The following TEF variants were observed in gnomAD, a reference collection of about 807,000 sequenced individuals.
The protein encoded by TEF is TEF transcription factor, PAR bZIP family member.
A neutral mutation model predicts 20.8 loss-of-function variants in TEF; 3 were observed. The ratio of observed to expected loss-of-function variants is 0.14; its 90% confidence interval spans 0.07 to 0.37. The LOEUF is 0.37. Ranked by LOEUF, TEF falls within the 10% of genes least tolerant of loss-of-function variation. The probability of loss-of-function intolerance (pLI) is 1.00; values close to 1 mark genes in which losing one functional copy is unlikely to be tolerated. For missense variants in TEF, 296 were observed against 397.9 expected (o/e 0.74, Z 2.18); for synonymous variants, 180 against 171.1 (o/e 1.05, Z -0.41).
At chr22:41,378,536 C>T (rs994292566), upstream of TEF, among the ~76,000 whole-genome samples, 2 of 152,056 alleles carry the variant, frequency 1.3e-5, no homozygotes, top group African/African-American at 4.8e-5. Flanking sequence ...TTAGTAGAGA[C>T]AGGGTTTCAC....
chr22:41,375,541 G>C (rs996313047), intron 1 of TEF, among the ~76,000 whole-genome samples: 1 of 152,122 alleles, frequency 6.6e-6, no homozygotes, highest in Non-Finnish European at 1.5e-5. Context: ...GCGAGGTCAG[G>C]AGATCGAGGC....
At chr22:41,381,864 A>T (rs890698058), upstream of TEF, 6 of 1,221,256 alleles carry the variant, frequency 4.9e-6, no homozygotes, top group Non-Finnish European at 6.1e-6. Flanking sequence ...GCCTGGCCTC[A>T]TGAATAATTA....
At chr22:41,377,318 G>A (rs996211978), upstream of TEF, 6 of 152,336 alleles carry the variant, frequency 3.9e-5, no homozygotes, top group Admixed American at 6.5e-5. Context: ...TAGAGATGAG[G>A]TCTCACTATG....
intron 2 of TEF, among the ~76,000 whole-genome samples, chr22:41,389,879 T>C (rs976519927): frequency 6.6e-6 from 1 of 152,138 alleles, no homozygotes; most frequent in Admixed American, 6.6e-5. Flanking sequence ...TGAATAATGC[T>C]GCCATGAACA....
rs989044985 is a variant in TEF at position 41,388,183 on chromosome 22, A to C, written c.475+515A>C. Among the ~76,000 whole-genome samples the C allele has an allele frequency of 3.3e-5, 5 of 151,308 alleles. No individual in the cohort carries two copies. The East Asian group carries it at 9.7e-4, about 29-fold the overall frequency. On this transcript the variant is annotated intron_variant, in intron 2 of 3. Coordinates refer to ENST00000266304, the MANE Select transcript of TEF (RefSeq NM_003216.4). ...GGCTAATTTTTTTATTTTTTAGTAG[A>C]GACAGAGTTTCATCATGTTGGCCAG...
At chr22:41,392,441 C>T (rs554195639) in intron 2 of TEF, among the ~76,000 whole-genome samples, 3 of 151,296 alleles carry the variant, frequency 2.0e-5, no homozygotes, top group East Asian at 1.9e-4. Context: ...TTTGGGAGGC[C>T]GAGGCAGGTG....
rs1305969854 is a variant in TEF at position 41,397,905 on chromosome 22, G to T, written c.*1945G>T. On this transcript the variant is annotated 3_prime_UTR_variant, in exon 4 of 4. Transcript: ENST00000266304. ...TTCTTTGCCGGAAAGTATATGGTTT[G>T]TGTTTTTGCAGTTTTATTTTTTTAA... 6.6e-6 allele frequency: 1 copy of T among 152,228 alleles called. No homozygotes were observed. Among genetic ancestry groups the T allele is most frequent in the African/African-American group, 2.4e-5 (1 of 41,466 alleles). The allele number at this position is 152,228 out of a possible 1,614,324, so 9.4% of individuals were successfully genotyped here.
At chr22:41,387,746 A>G (rs934406330) in intron 2 of TEF, 78 bp downstream of exon 2, 50 of 1,434,330 alleles carry the variant, frequency 3.5e-5, no homozygotes, top group African/African-American at 2.0e-4. Context: ...GCTTGTGTCC[A>G]TGTACCCAGT....
At chr22:41,379,170 CTA>C (rs930957036), upstream of TEF, among the ~76,000 whole-genome samples, 5 of 151,868 alleles carry the variant, frequency 3.3e-5, no homozygotes, top group African/African-American at 1.2e-4. Context: ...AACCCCGTCT[CTA>C]TAGAAAATAC....
upstream of TEF, among the ~76,000 whole-genome samples, chr22:41,377,991 C>T (rs2036964805): frequency 6.6e-6 from 1 of 152,132 alleles, no homozygotes; most frequent in Non-Finnish European, 1.5e-5. Context: ...TTCTCATAAA[C>T]ACGTGTTAGA....
chr22:41,374,854 GT>G (rs1181476200), intron 1 of TEF, among the ~76,000 whole-genome samples: 1 of 152,156 alleles, frequency 6.6e-6, no homozygotes, highest in Admixed American at 6.6e-5. Flanking sequence ...GGTTGATCTT[GT>G]TGTTTCAAGG....
rs2037236836 is a variant in TEF, at chr22:41,396,965, T to A, written c.*1005T>A. On this transcript the variant is annotated 3_prime_UTR_variant, in exon 4 of 4. Transcript: ENST00000266304. ...CCATGGGCATGAGAGCTGGGGTGTGTTTCTTGAGAAGCTCCCTTTTTTCTT... is the reference window on the plus strand; with the variant it reads ...CCATGGGCATGAGAGCTGGGGTGTGATTCTTGAGAAGCTCCCTTTTTTCTT... 2.5e-6 allele frequency: 1 copy of A among 398,704 alleles called. No homozygotes were observed. The highest frequency in any genetic ancestry group is 3.6e-5 in the East Asian group (1 of 28,062). The allele number at this position is 398,704 out of a possible 1,614,324, so 24.7% of individuals were successfully genotyped here.
intron 1 of TEF, among the ~76,000 whole-genome samples, chr22:41,375,877 C>T (rs1470613684): frequency 2.0e-5 from 3 of 152,136 alleles, no homozygotes; most frequent in Non-Finnish European, 4.4e-5. Context: ...TATATTTTTA[C>T]TGGGTTATTA....
At chr22:41,374,222 A>T (rs1235045384) in intron 1 of TEF, among the ~76,000 whole-genome samples, 2 of 152,004 alleles carry the variant, frequency 1.3e-5, no homozygotes, top group Non-Finnish European at 2.9e-5. Flanking sequence ...CCTGAGCAAC[A>T]TAGTGAGACC....
intron 2 of TEF, among the ~76,000 whole-genome samples, chr22:41,387,911 A>G (rs2037117522): frequency 6.6e-6 from 1 of 150,420 alleles, no homozygotes; most frequent in Non-Finnish European, 1.5e-5. Flanking sequence ...TGCTGCAAAC[A>G]GTCAGGACAG....
At chr22:41,386,699 C>T (rs1378463411) in intron 1 of TEF, among the ~76,000 whole-genome samples, 3 of 150,846 alleles carry the variant, frequency 2.0e-5, no homozygotes, top group Non-Finnish European at 4.4e-5. Context: ...GCCAAGATTG[C>T]GCCATTGTAA....
chr22:41,383,059 G>T (rs1325727399), intron 1 of TEF: 3 of 470,704 alleles, frequency 6.4e-6, no homozygotes, highest in South Asian at 3.1e-5. Flanking sequence ...TGGTGGGGTT[G>T]TGGGTGCACT....
intron 3 of TEF, 88 bp downstream of exon 3, chr22:41,394,404 A>G: frequency 7.8e-7 from 1 of 1,277,764 alleles, no homozygotes. Flanking sequence ...TTATCTGGAG[A>G]GCCTTCCCTC....
chr22:41,384,022 T>G (rs943947796), intron 1 of TEF, among the ~76,000 whole-genome samples: 4 of 152,192 alleles, frequency 2.6e-5, no homozygotes, highest in Non-Finnish European at 5.9e-5. Flanking sequence ...TCAGATTAAT[T>G]TGTATTAGAA....
Sources: allele counts gnomAD v4.1 joint callset (sites outside exome capture counted in the v4.1 genomes callset), GRCh38; gene constraint gnomAD v4.1.1; transcripts MANE v1.5; gene names NCBI Gene and HGNC (gene_info 2026-07-23, HGNC 2026-07-21).